The following RFTN2 variants were observed in gnomAD, a reference collection of about 807,000 sequenced individuals.
The protein encoded by RFTN2 is raftlin family member 2.
A neutral mutation model predicts 52.7 loss-of-function variants in RFTN2; 34 were observed. That is an observed-to-expected ratio of 0.64 (90% CI 0.49 to 0.86). RFTN2 has a LOEUF of 0.86. Ranked by LOEUF, RFTN2 falls within the 40% of genes least tolerant of loss-of-function variation. RFTN2 has a pLI of 0.00. For synonymous variants in RFTN2, 203 were observed against 217.7 expected (o/e 0.93, Z 0.59); for missense variants, 536 against 600.1 (o/e 0.89, Z 1.12).
At chr2:197,586,131 T>C (rs1482514260) in intron 8 of RFTN2, among the ~76,000 whole-genome samples, 6 of 152,252 alleles carry the variant, frequency 3.9e-5, no homozygotes, top group Admixed American at 3.9e-4. Flanking sequence ...TAATTATTGC[T>C]TACGAAGGCA....
chr2:197,616,007 G>A, intron 6 of RFTN2, 28 bp from the exon 7 acceptor site: 1 of 1,360,720 alleles, frequency 7.3e-7, no homozygotes, highest in Non-Finnish European at 1.0e-6. Flanking sequence ...AGAGCTCATA[G>A]TCTAATGGCA....
intron 1 of RFTN2, among the ~76,000 whole-genome samples, chr2:197,652,394 C>G (rs1442463012): frequency 6.6e-6 from 1 of 152,076 alleles, no homozygotes; most frequent in Non-Finnish European, 1.5e-5. Context: ...CTTGACCGCT[C>G]ATAGGAAGAT....
At chr2:197,646,877 A>G (rs945649813) in intron 1 of RFTN2, among the ~76,000 whole-genome samples, 17 of 127,692 alleles carry the variant, frequency 1.3e-4, no homozygotes, top group African/African-American at 5.0e-4. Flanking sequence ...TAACAGGAAC[A>G]TAGTAGGACA....
chr2:197,590,578 C>T (rs1316372405), intron 8 of RFTN2, among the ~76,000 whole-genome samples: 1 of 152,162 alleles, frequency 6.6e-6, no homozygotes, highest in African/African-American at 2.4e-5. Context: ...ATCTCACTGA[C>T]CTCAAGAGTG....
chr2:197,657,739 G>A (rs2088913635), intron 1 of RFTN2, among the ~76,000 whole-genome samples: 1 of 152,182 alleles, frequency 6.6e-6, no homozygotes, highest in Non-Finnish European at 1.5e-5. Context: ...TAAACAAAAG[G>A]AGTGTAAACA....
At chr2:197,638,550 T>C (rs1412980584) in intron 3 of RFTN2, among the ~76,000 whole-genome samples, 1 of 79,516 alleles carries the variant, frequency 1.3e-5, no homozygotes, top group Admixed American at 1.2e-4. Context: ...TATCAGAGAC[T>C]AGGATTGCAA....
chr2:197,624,374 C>T lies in RFTN2; in HGVS notation c.929-6453G>A, dbSNP rs148948194. ...CAGCACTTTGGGAGGCTGAGGTGGG[C>T]GGATCACAAGGTCGGGAGATGGAGA... On this transcript the variant is annotated intron_variant, in intron 5 of 8. Transcript: ENST00000295049. 3.1e-4 allele frequency among the ~76,000 whole-genome samples: 45 copies of T among 146,582 alleles called. 1 individual carries two copies. The East Asian group carries it at 8.1e-3, about 26-fold the overall frequency.
intron 7 of RFTN2, among the ~76,000 whole-genome samples, 169 bp from the exon 8 acceptor site, chr2:197,596,238 A>C (rs1364875124): frequency 6.6e-6 from 1 of 152,224 alleles, no homozygotes; most frequent in Non-Finnish European, 1.5e-5. Context: ...GTAAAATATA[A>C]TTCTATAAAA....
At chr2:197,655,720 AG>A (rs1574746588) in intron 1 of RFTN2, among the ~76,000 whole-genome samples, 1 of 152,146 alleles carries the variant, frequency 6.6e-6, no homozygotes, top group East Asian at 1.9e-4. Flanking sequence ...GCTACTCAGA[AG>A]GCTGAGGCAG....
intron 7 of RFTN2, among the ~76,000 whole-genome samples, chr2:197,607,177 G>C (rs894958108): frequency 6.6e-6 from 1 of 152,204 alleles, no homozygotes; most frequent in Non-Finnish European, 1.5e-5. Context: ...CATGTTCTTT[G>C]TAGGGACATG....
At chr2:197,626,596 A>AAAGT (rs2088364312) in intron 5 of RFTN2, among the ~76,000 whole-genome samples, 5 of 149,380 alleles carry the variant, frequency 3.3e-5, no homozygotes, top group East Asian at 2.0e-4. Flanking sequence ...TAAAGTTAAA[A>AAAGT]TAAAAAAAAG....
intron 7 of RFTN2, among the ~76,000 whole-genome samples, chr2:197,614,463 C>A (rs956515107): frequency 6.6e-6 from 1 of 152,194 alleles, no homozygotes; most frequent in African/African-American, 2.4e-5. Context: ...CCCTGTGCAA[C>A]TTGGTTCTTC....
chr2:197,652,439 T>C (rs947036231), intron 1 of RFTN2, among the ~76,000 whole-genome samples: 3 of 152,190 alleles, frequency 2.0e-5, no homozygotes, highest in Non-Finnish European at 4.4e-5. Flanking sequence ...GGCTCTAAGT[T>C]CTAAAAGTGA....
chr2:197,653,027 C>T (rs956971704), intron 1 of RFTN2, among the ~76,000 whole-genome samples: 3 of 152,138 alleles, frequency 2.0e-5, no homozygotes, highest in Non-Finnish European at 2.9e-5. Flanking sequence ...TTAGTATATT[C>T]CTTGCTTTAG....
chr2:197,636,233 G>T (rs1319259055), intron 3 of RFTN2, among the ~76,000 whole-genome samples: 2 of 149,958 alleles, frequency 1.3e-5, no homozygotes, highest in East Asian at 1.9e-4. Flanking sequence ...CTCTTTTTTG[G>T]TTCCATATGA....
At chr2:197,652,616 A>T (rs2088840687) in intron 1 of RFTN2, among the ~76,000 whole-genome samples, 1 of 152,228 alleles carries the variant, frequency 6.6e-6, no homozygotes, top group Admixed American at 6.5e-5. Context: ...GAAAGAAAAT[A>T]GTTATAGTTT....
chr2:197,612,898 T>G (rs369282879), intron 7 of RFTN2, among the ~76,000 whole-genome samples: 255 of 152,306 alleles, frequency 1.7e-3, no homozygotes, highest in Middle Eastern at 3.4e-3. Flanking sequence ...TGAAATTACT[T>G]AAGACTCTGT....
intron 1 of RFTN2, among the ~76,000 whole-genome samples, chr2:197,669,497 C>G (rs554100128): frequency 1.6e-4 from 24 of 152,190 alleles, no homozygotes; most frequent in African/African-American, 5.3e-4. Context: ...CTTTTTGGCA[C>G]CAGGGACTGG....
intron 8 of RFTN2, among the ~76,000 whole-genome samples, chr2:197,595,755 T>C (rs1039378404): frequency 1.3e-5 from 2 of 152,246 alleles, no homozygotes; most frequent in Non-Finnish European, 2.9e-5. Context: ...TGTTTCTTAA[T>C]TGCCTTCAGC....
Sources: gnomAD v4.1 joint callset for allele counts (sites outside exome capture counted in the v4.1 genomes callset) on GRCh38, gnomAD v4.1.1 for gene constraint, MANE v1.5 for transcripts, NCBI Gene and HGNC (gene_info 2026-07-23, HGNC 2026-07-21) for gene names.